The following GAB1 variants were observed in gnomAD, a reference collection of about 807,000 sequenced individuals.
The protein encoded by GAB1 is GRB2 associated binding protein 1.
Under a neutral mutation model 66.5 loss-of-function variants are expected in GAB1, and 19 were observed. The observed-to-expected ratio is 0.29, with a 90% CI of 0.20 to 0.42. The LOEUF is 0.42. Ranked by LOEUF, GAB1 falls within the 10% of genes least tolerant of loss-of-function variation. The pLI is 1.00. For synonymous variants in GAB1, 294 were observed against 301.4 expected (o/e 0.98, Z 0.25); for missense variants, 732 against 858.5 (o/e 0.85, Z 1.84).
At chr4:143,411,814 T>C (rs1732407647) in intron 1 of GAB1, among the ~76,000 whole-genome samples, 1 of 152,216 alleles carries the variant, frequency 6.6e-6, no homozygotes, top group African/African-American at 2.4e-5. Context: ...AACCTTTGTA[T>C]CTGCCTTATT....
At chr4:143,450,838 C>T (rs1489038419) in intron 6 of GAB1, among the ~76,000 whole-genome samples, 1 of 151,684 alleles carries the variant, frequency 6.6e-6, no homozygotes, top group South Asian at 2.1e-4. Flanking sequence ...TTGCAGTGAG[C>T]TGAGATCATG....
At chr4:143,366,611 C>T (rs965395390) in intron 1 of GAB1, among the ~76,000 whole-genome samples, 6 of 151,958 alleles carry the variant, frequency 3.9e-5, no homozygotes, top group African/African-American at 1.4e-4. Flanking sequence ...TATTGTTATT[C>T]CCTCACTATC....
chr4:143,365,940 C>G (rs1022123793), intron 1 of GAB1, among the ~76,000 whole-genome samples: 1 of 152,158 alleles, frequency 6.6e-6, no homozygotes, highest in African/African-American at 2.4e-5. Context: ...AGACCAGAGG[C>G]AGAAGTCTTT....
At chr4:143,422,547 A>C (rs747855509) in intron 2 of GAB1, among the ~76,000 whole-genome samples, 1 of 152,100 alleles carries the variant, frequency 6.6e-6, no homozygotes, top group Non-Finnish European at 1.5e-5. Flanking sequence ...TAGGGCTTCA[A>C]CTCTTCTACC....
intron 2 of GAB1, among the ~76,000 whole-genome samples, chr4:143,427,930 TC>T (rs1421923421): frequency 2.6e-5 from 4 of 152,134 alleles, no homozygotes; most frequent in Non-Finnish European, 5.9e-5. Flanking sequence ...CTTTCTTCCA[TC>T]ATTATATCCC....
chr4:143,364,046 G>A (rs1484755907), intron 1 of GAB1, among the ~76,000 whole-genome samples: 2 of 152,034 alleles, frequency 1.3e-5, no homozygotes, highest in Admixed American at 1.3e-4. Context: ...AAATTAGCCG[G>A]GCATGGTGGC....
At chr4:143,371,869 G>T (rs899767478) in intron 1 of GAB1, among the ~76,000 whole-genome samples, 1 of 152,236 alleles carries the variant, frequency 6.6e-6, no homozygotes, top group East Asian at 1.9e-4. Flanking sequence ...TAGATTTGTG[G>T]TATTATTTCT....
intron 1 of GAB1, among the ~76,000 whole-genome samples, chr4:143,350,794 T>G (rs1251923654): frequency 6.6e-6 from 1 of 152,066 alleles, no homozygotes; most frequent in Non-Finnish European, 1.5e-5. Context: ...GAGCAAAAAT[T>G]GATTATGTAA....
At chr4:143,378,606 C>T (rs1283044605) in intron 1 of GAB1, among the ~76,000 whole-genome samples, 1 of 149,636 alleles carries the variant, frequency 6.7e-6, no homozygotes, top group Non-Finnish European at 1.5e-5. Flanking sequence ...TTTTTTGTGA[C>T]AGCCTATTGG....
chr4:143,396,017 C>G lies in GAB1; in HGVS notation c.73-19460C>G, dbSNP rs184485067. 1,970 of 447,698 alleles carry G rather than the reference C, an allele frequency of 4.4e-3. 15 individuals are homozygous for G. Among genetic ancestry groups the G allele is most frequent in the Middle Eastern group, 0.013 (37 of 2,938 alleles). 27.7% of individuals were successfully genotyped at this position (447,698 alleles called of 1,614,324 possible). On this transcript the variant is annotated intron_variant, in intron 1 of 9. Transcript: ENST00000262994. ...GGGGAGGATTCCAGCAGAGGGGACC[C>G]AGGAAAGGGGAGGGGGTGGGGACAA...
chr4:143,446,666 T>G (rs1256397064), intron 6 of GAB1, among the ~76,000 whole-genome samples: 1 of 141,946 alleles, frequency 7.0e-6, no homozygotes, highest in Non-Finnish European at 1.5e-5. Context: ...GTAAATTTGT[T>G]TGAGTTCATT....
chr4:143,342,964 T>A (rs1448642750), intron 1 of GAB1, among the ~76,000 whole-genome samples: 2 of 152,148 alleles, frequency 1.3e-5, no homozygotes, highest in Non-Finnish European at 2.9e-5. Flanking sequence ...GGCTACTACT[T>A]TACTTTTGAA....
chr4:143,353,004 A>G (rs1207418573), intron 1 of GAB1, among the ~76,000 whole-genome samples: 1 of 152,226 alleles, frequency 6.6e-6, no homozygotes, highest in Non-Finnish European at 1.5e-5. Context: ...ACTGTCGCCA[A>G]GAAACTCAAA....
At chr4:143,408,001 A>C (rs1052379152) in intron 1 of GAB1, among the ~76,000 whole-genome samples, 6 of 152,204 alleles carry the variant, frequency 3.9e-5, no homozygotes, top group Non-Finnish European at 7.3e-5. Context: ...GACTTTAAGG[A>C]AAGAAAAATA....
intron 6 of GAB1, among the ~76,000 whole-genome samples, chr4:143,443,014 C>CTTTT (rs755148605): frequency 6.3e-5 from 8 of 126,778 alleles, no homozygotes; most frequent in African/African-American, 1.5e-4. Flanking sequence ...TACTATTTTA[C>CTTTT]TTTTTTTTTT....
At chr4:143,361,950 G>T (rs1360813829) in intron 1 of GAB1, among the ~76,000 whole-genome samples, 1 of 151,116 alleles carries the variant, frequency 6.6e-6, no homozygotes, top group Non-Finnish European at 1.5e-5. Flanking sequence ...TAAGAAACAT[G>T]ATCTTGTTAT....
At chr4:143,349,381 G>C in intron 1 of GAB1, 1 of 1,035,702 alleles carries the variant, frequency 9.7e-7, no homozygotes, top group Admixed American at 1.7e-5. Context: ...GGTAAATACA[G>C]TCTCTTTCCA....
chr4:143,337,870 T>G (rs2149638135), intron 1 of GAB1, among the ~76,000 whole-genome samples: 1 of 152,148 alleles, frequency 6.6e-6, no homozygotes, highest in South Asian at 2.1e-4. Context: ...ATTTTCGCGG[T>G]TTTGAATTGA....
intron 6 of GAB1, among the ~76,000 whole-genome samples, chr4:143,453,303 T>A (rs1321861533): frequency 6.6e-6 from 1 of 152,062 alleles, no homozygotes; most frequent in Non-Finnish European, 1.5e-5. Context: ...TTCAATATGA[T>A]TATATCATAT....
Sources: allele counts gnomAD v4.1 joint callset (sites outside exome capture counted in the v4.1 genomes callset), GRCh38; gene constraint gnomAD v4.1.1; transcripts MANE v1.5; gene names NCBI Gene and HGNC (gene_info 2026-07-23, HGNC 2026-07-21).